The following NLRP13 variants were observed in gnomAD, a reference collection of about 807,000 sequenced individuals.
The protein encoded by NLRP13 is NACHT, LRR and PYD domains-containing protein 13.
A neutral mutation model predicts 94.4 loss-of-function variants in NLRP13; 82 were observed. That is an observed-to-expected ratio of 0.87 (90% CI 0.73 to 1.04). NLRP13 has a LOEUF of 1.04. NLRP13 is among the 50% of genes least tolerant of loss of function. The pLI is 0.00. For synonymous variants in NLRP13, 553 were observed against 464.7 expected, an observed-to-expected ratio of 1.19 and a Z score of -2.45; for missense variants, 1,426 against 1,230.8, an observed-to-expected ratio of 1.16 and a Z score of -2.37.
In NLRP13 at chr19:55,906,376, CAGAA is replaced by C. The variant is rs1439411585; in HGVS notation, c.2448-1268_2448-1265del. ...AAAAGACAGATGATAGACAGACAGA[CAGAA>C]AGAAAGACAGAAAGATAGAAAATAA... On this transcript the variant is annotated intron_variant, in intron 7 of 10. Transcript: ENST00000342929. Among the ~76,000 whole-genome samples, 29 of 138,992 alleles carry C rather than the reference CAGAA, an allele frequency of 2.1e-4. No individual in the cohort carries two copies. In the East Asian group the frequency reaches 2.8e-3, roughly 13 times the overall value. 91.2% of individuals were successfully genotyped at this position (138,992 alleles called of 152,430 possible).
intron 4 of NLRP13, among the ~76,000 whole-genome samples, chr19:55,921,720 A>T (rs970886218): frequency 1.3e-5 from 2 of 152,176 alleles, no homozygotes; most frequent in South Asian, 4.1e-4. Context: ...ATATCATCCT[A>T]AAGTAGGAGC....
Position 55,924,581 on chromosome 19 carries a change from T to C in NLRP13, c.457+9A>G, listed in dbSNP as rs1284903404. ...AACCTGTCAATTATCAACCAAGTAATGTACACACCTGTTTCTTCTTCTAGC... is the reference window on the plus strand; with the variant it reads ...AACCTGTCAATTATCAACCAAGTAACGTACACACCTGTTTCTTCTTCTAGC... On this transcript the variant is annotated intron_variant, in intron 3 of 10. Coordinates refer to ENST00000342929, the MANE Select transcript of NLRP13 (RefSeq NM_176810.2). 1.2e-6 allele frequency: 2 copies of C among 1,605,700 alleles called. No individual in the cohort carries two copies. Among genetic ancestry groups the C allele is most frequent in the Non-Finnish European group, 1.7e-6 (2 of 1,172,930 alleles).
intron 9 of NLRP13, among the ~76,000 whole-genome samples, chr19:55,899,350 A>G (rs556865588): frequency 4.5e-4 from 69 of 152,210 alleles, no homozygotes; most frequent in Non-Finnish European, 8.8e-4. Context: ...CTATACCATA[A>G]TAAGTTCAAA....
rs1355752601 is a variant in NLRP13 at position 55,913,262 on chromosome 19, C to G, written c.555G>C (p.Lys185Asn). The G allele has an allele frequency of 6.2e-7, 1 of 1,614,024 alleles. No homozygotes were observed. The highest frequency in any genetic ancestry group is 8.5e-7 in the Non-Finnish European group (1 of 1,179,984). The change falls in exon 5 of 11, where the codon AAG (lysine) becomes AAC (asparagine). Residue 185 changes from lysine (K) to asparagine (N), a missense_variant. Lys to Asn is a moderately conservative substitution (Grantham distance 94). Transcript: ENST00000342929. ...TGTCCCATGTCTCCAGTAGTTCAGC[C>G]TTCATGTTCTCTCTGTATTTTCTTC... ...DHRRKYRENMKAELLETWDNI... is the reference protein window; with the variant it reads ...DHRRKYRENMNAELLETWDNI...
At chr19:55,898,704 G>T (rs755513438) in intron 10 of NLRP13, 66 bp downstream of exon 10, 2 of 1,469,590 alleles carry the variant, frequency 1.4e-6, no homozygotes, top group South Asian at 2.7e-5. Flanking sequence ...GATGGGATCC[G>T]ATCATATCTC....
intron 8 of NLRP13, among the ~76,000 whole-genome samples, chr19:55,902,980 AAT>A (rs1211808538): frequency 6.6e-6 from 1 of 150,712 alleles, no homozygotes; most frequent in East Asian, 1.9e-4. Flanking sequence ...AAATAACTGT[AAT>A]ATTAGTCATA....
chr19:55,898,957 A>G lies in NLRP13; in HGVS notation c.2790-20T>C. On this transcript the variant is annotated intron_variant, in intron 9 of 10. Coordinates refer to ENST00000342929, the MANE Select transcript of NLRP13 (RefSeq NM_176810.2). ...GACAAACTGCAAAATAAAAACATACAAAAGGGGGGAAAGTAATTGCGTCCC... is the reference window on the plus strand; with the variant it reads ...GACAAACTGCAAAATAAAAACATACGAAAGGGGGGAAAGTAATTGCGTCCC... 1.2e-6 allele frequency: 2 copies of G among 1,602,932 alleles called. No individual in the cohort carries two copies. Among genetic ancestry groups the G allele is most frequent in the East Asian group, 2.3e-5 (1 of 44,420 alleles).
At chr19:55,909,217 C>A (rs1254790803) in intron 6 of NLRP13, among the ~76,000 whole-genome samples, 1 of 152,134 alleles carries the variant, frequency 6.6e-6, no homozygotes, top group Non-Finnish European at 1.5e-5. Context: ...TATACAAGGT[C>A]CACCTCCATT....
Position 55,903,392 on chromosome 19 carries a change from A to G in NLRP13, c.2619-1187T>C, listed in dbSNP as rs535299348. Among the ~76,000 whole-genome samples the G allele has an allele frequency of 1.2e-4, 18 of 152,150 alleles. No individual in the cohort carries two copies. In the South Asian group the frequency reaches 3.7e-3, roughly 32 times the overall value. ...CTGTGCTTTTTATACTCACCTGACA[A>G]TTGTCCAGTCTCAGGAAAACCCACC... On this transcript the variant is annotated intron_variant, in intron 8 of 10. Coordinates refer to ENST00000342929, the MANE Select transcript of NLRP13 (RefSeq NM_176810.2).
rs531043110 is a variant in NLRP13 at position 55,906,474 on chromosome 19, C to A, written c.2447+1318G>T. Among the ~76,000 whole-genome samples the A allele has an allele frequency of 4.3e-4, 65 of 152,190 alleles. 1 individual carries two copies. The highest frequency in any genetic ancestry group is 1.5e-3 in the African/African-American group (63 of 41,514). ...GTTCCCCAAAACCTACCCACTGCCA[C>A]CCCCACTGTGCCACTCCAGCTTGCA... On this transcript the variant is annotated intron_variant, in intron 7 of 10. Coordinates refer to ENST00000342929, the MANE Select transcript of NLRP13 (RefSeq NM_176810.2).
intron 4 of NLRP13, among the ~76,000 whole-genome samples, chr19:55,919,310 C>G (rs1465890743): frequency 1.3e-5 from 2 of 152,090 alleles, no homozygotes; most frequent in East Asian, 3.8e-4. Flanking sequence ...AGAACTGGAA[C>G]AAGACAAGGA....
chr19:55,895,980 T>TGAA lies in NLRP13; in HGVS notation c.3096_3097insTTC (p.Leu1032_Lys1033insPhe), dbSNP rs759186089. 29 of 1,613,968 alleles carry TGAA rather than the reference T, an allele frequency of 1.8e-5. No homozygotes were observed. The highest frequency in any genetic ancestry group is 4.4e-5 in the South Asian group (4 of 91,056). ...TTCTGCAGCCTGCATGTCGACTTTT[T>TGAA]CAAAGCCTTACATAGCATCTTGACA... is the stretch of plus-strand genomic sequence containing the variant. On this transcript the variant is annotated inframe_insertion, in exon 11 of 11. Transcript: ENST00000342929.
At chr19:55,895,777 A>C (rs895637598), downstream of NLRP13, among the ~76,000 whole-genome samples, 1 of 152,238 alleles carries the variant, frequency 6.6e-6, no homozygotes, top group Non-Finnish European at 1.5e-5. Context: ...GCTCGTGGCT[A>C]CACAGCAGGT....
intron 4 of NLRP13, among the ~76,000 whole-genome samples, chr19:55,916,425 A>G (rs770954093): frequency 6.6e-6 from 1 of 152,216 alleles, no homozygotes; most frequent in Admixed American, 6.5e-5. Context: ...GATTTTAAAG[A>G]AGCTCAGTGA....
At position 55,896,097 on chromosome 19, in the gene NLRP13, T is replaced by G. The variant is rs1382017447; in HGVS notation, c.2980A>C (p.Thr994Pro). 1 of 1,614,070 alleles carries G rather than the reference T, an allele frequency of 6.2e-7. No homozygotes were observed. Among genetic ancestry groups the G allele is most frequent in the South Asian group, 1.1e-5 (1 of 91,074 alleles). Residue 994 changes from threonine to proline, a missense_variant, in exon 11 of 11, where the codon ACT becomes CCT. Thr to Pro is a conservative substitution (Grantham distance 38, BLOSUM62 -1). Coordinates refer to ENST00000342929, the MANE Select transcript of NLRP13 (RefSeq NM_176810.2). Reference sequence around the variant, plus strand: ...GAGAAGAGATGCTGGCAGCAAGCAGTTGTCAGATTGCATTTCGCCAACCTA... The same window carrying G: ...GAGAAGAGATGCTGGCAGCAAGCAGGTGTCAGATTGCATTTCGCCAACCTA... ...TLGLAKCNLT[T>P]ACCQHLFSVL...
At chr19:55,894,536 T>C (rs1040409083), downstream of NLRP13, among the ~76,000 whole-genome samples, 7 of 152,180 alleles carry the variant, frequency 4.6e-5, no homozygotes, top group African/African-American at 9.7e-5. Flanking sequence ...CTTCCTGATA[T>C]AGGGACTCCT....
In NLRP13 at chr19:55,932,172, G is replaced by C; in HGVS notation, c.140C>G (p.Ala47Gly). 7 of 1,614,104 alleles carry C rather than the reference G, an allele frequency of 4.3e-6. No individual in the cohort carries two copies. The highest frequency in any genetic ancestry group is 5.1e-6 in the Non-Finnish European group (6 of 1,179,998). The change falls in exon 1 of 11, where the codon GCC becomes GGC. Residue 47 changes from alanine (A) to glycine (G), a missense_variant. By Grantham distance (60) the Ala-to-Gly change is moderately conservative (BLOSUM62 0). Coordinates refer to ENST00000342929, the MANE Select transcript of NLRP13 (RefSeq NM_176810.2). ...EPQQLMDFWS[A>G]PQGHFPRIPW... ...GATACGCGGGAAGTGCCCCTGGGGG[G>C]CCGACCAGAAGTCCATCAGCTGCTG...
rs766697694 is a variant in NLRP13 at position 55,910,580 on chromosome 19, G to T, written c.2265C>A (p.Cys755Ter). ...GLCLALKNPR[C>*]KVQKLTCKSV... ...ACACTTACGTCAGTTTCTGGACTTTGCATCTTGGATTTTTCAGTGCAAGAC... is the reference window on the plus strand; with the variant it reads ...ACACTTACGTCAGTTTCTGGACTTTTCATCTTGGATTTTTCAGTGCAAGAC... Residue 755 changes from cysteine (C) to a stop codon, truncating the protein, a stop_gained, in exon 6 of 11, where the codon TGC becomes TGA. Transcript: ENST00000342929. LOFTEE classifies it high-confidence loss of function. 4 of 1,604,166 alleles carry T rather than the reference G, an allele frequency of 2.5e-6. No individual in the cohort carries two copies. The highest frequency in any genetic ancestry group is 3.4e-6 in the Non-Finnish European group (4 of 1,172,842).
chr19:55,898,924 A>T lies in NLRP13; in HGVS notation c.2803T>A (p.Ser935Thr). Residue 935 changes from serine to threonine, a missense_variant, in exon 10 of 11, where the codon TCT becomes ACT. Coordinates refer to ENST00000342929, the MANE Select transcript of NLRP13 (RefSeq NM_176810.2). Reference sequence around the variant, plus strand: ...TCTCCACAGCCCTCTCTTGTGAAAGAACAACCTGACAAACTGCAAAATAAA... The same window carrying T: ...TCTCCACAGCCCTCTCTTGTGAAAGTACAACCTGACAAACTGCAAAATAAA... The part of the protein sequence containing the change: ...NLQSLNLSGC[S>T]FTREGCGELA... 1 of 1,606,148 alleles carries T rather than the reference A, an allele frequency of 6.2e-7. No homozygotes were observed.
Sources: gnomAD v4.1 joint callset for allele counts (sites outside exome capture counted in the v4.1 genomes callset) on GRCh38, gnomAD v4.1.1 for gene constraint, MANE v1.5 for transcripts, NCBI Gene and HGNC (gene_info 2026-07-23, HGNC 2026-07-21) for gene names.